Variants in ADCY2 observed in about 807,000 individuals in gnomAD.
The protein encoded by ADCY2 is adenylate cyclase 2.
ADCY2 carries 31 observed loss-of-function variants against 125.2 expected under a neutral mutation model. The observed-to-expected ratio is 0.25, with a 90% confidence interval of 0.19 to 0.33. The LOEUF (loss-of-function observed/expected upper bound fraction) is 0.33. Ranked by LOEUF, ADCY2 falls within the 10% of genes least tolerant of loss-of-function variation. The pLI is 1.00. For missense variants in ADCY2, 904 were observed against 1,418.2 expected, an observed-to-expected ratio of 0.64 and a Z score of 5.82; for synonymous variants, 512 against 548.4, an observed-to-expected ratio of 0.93 and a Z score of 0.93.
rs748930754 is a variant in ADCY2, at chr5:7,475,578, C to T, written c.409-45160C>T. Among the ~76,000 whole-genome samples, 178 of 152,226 alleles carry T rather than the reference C, an allele frequency of 1.2e-3. 1 individual carries two copies. The highest frequency in any genetic ancestry group is 0.01 in the Middle Eastern group (3 of 294). On this transcript the variant is annotated intron_variant, in intron 2 of 24. Coordinates refer to ENST00000338316, the MANE Select transcript of ADCY2 (RefSeq NM_020546.3). ...TGTATTTTTAGTAGAGACGGAGTTT[C>T]GCCACGTTGGCCAGGCTGTTCTCGA...
chr5:7,499,679 ATATG>A (rs1173523199), intron 2 of ADCY2, among the ~76,000 whole-genome samples: 15 of 135,030 alleles, frequency 1.1e-4, no homozygotes, highest in Admixed American at 3.8e-4. Flanking sequence ...ATATATATAT[ATATG>A]TATATATATG....
rs1257967042 is a variant in ADCY2 at position 7,826,806 on chromosome 5, C to T, written c.3211C>T (p.Leu1071=). 6.2e-7 allele frequency: 1 copy of T among 1,614,162 alleles called. No homozygotes were observed. The highest frequency in any genetic ancestry group is 8.5e-7 in the Non-Finnish European group (1 of 1,180,026). The part of the protein sequence containing the change: ...GIINVKGKGD[L]KTYFVNTEMS... ...AATCAACGTGAAAGGAAAGGGGGAC[C>T]TGAAGACGTACTTTGTAAACACAGA... The change falls in exon 25 of 25, where the codon CTG becomes TTG. Residue 1071 remains leucine, a synonymous_variant. Transcript: ENST00000338316.
At chr5:7,809,853 G>A (rs901791089) in intron 22 of ADCY2, among the ~76,000 whole-genome samples, 3 of 152,224 alleles carry the variant, frequency 2.0e-5, no homozygotes, top group African/African-American at 7.2e-5. Flanking sequence ...CTAAATGGTT[G>A]CATTACATGT....
At position 7,757,603 on chromosome 5, in the gene ADCY2, G is replaced by A. The variant is rs191459049; in HGVS notation, c.2094+17G>A. 342 of 1,603,852 alleles carry A rather than the reference G, an allele frequency of 2.1e-4. 1 individual carries two copies. The highest frequency in any genetic ancestry group is 4.4e-5 in the Non-Finnish European group (52 of 1,173,368). ...TTCAACATGGTAAGTCCCAGAGCAC[G>A]GCCGTGTTCAACATGGTAAGCCCCA... On this transcript the variant is annotated intron_variant, in intron 16 of 24. Transcript: ENST00000338316.
intron 2 of ADCY2, among the ~76,000 whole-genome samples, chr5:7,454,107 TGGG>T (rs1160948290): frequency 6.6e-6 from 1 of 152,192 alleles, no homozygotes; most frequent in East Asian, 1.9e-4. Flanking sequence ...TCTAGTTGGG[TGGG>T]GGGTGCCCTC....
chr5:7,531,986 G>T (rs992897260), intron 3 of ADCY2, among the ~76,000 whole-genome samples: 1 of 152,204 alleles, frequency 6.6e-6, no homozygotes, highest in Non-Finnish European at 1.5e-5. Flanking sequence ...AGTCTGTGGG[G>T]TTTCCCTTCT....
intron 4 of ADCY2, among the ~76,000 whole-genome samples, chr5:7,681,315 A>G (rs1430623529): frequency 1.3e-5 from 2 of 152,210 alleles, no homozygotes; most frequent in Middle Eastern, 6.3e-3. Flanking sequence ...GCCCACAGGG[A>G]CAATTAGTGT....
chr5:7,556,391 A>G (rs956994913), intron 3 of ADCY2, among the ~76,000 whole-genome samples: 2 of 152,228 alleles, frequency 1.3e-5, no homozygotes, highest in Non-Finnish European at 2.9e-5. Context: ...TGAATGAATG[A>G]ATGAACAGTA....
intron 4 of ADCY2, among the ~76,000 whole-genome samples, chr5:7,683,056 CA>C (rs1280862229): frequency 1.3e-5 from 2 of 152,214 alleles, no homozygotes; most frequent in African/African-American, 2.4e-5. Flanking sequence ...ACCACATTCT[CA>C]GCCTTTTTTT....
At chr5:7,485,172 C>T (rs112418423) in intron 2 of ADCY2, among the ~76,000 whole-genome samples, 2,491 of 152,226 alleles carry the variant, frequency 0.016, 68 homozygotes, top group African/African-American at 0.056. Flanking sequence ...TCCTTTCTCC[C>T]TCCGAAACTT....
intron 17 of ADCY2, among the ~76,000 whole-genome samples, chr5:7,770,784 G>A (rs2126479379): frequency 6.6e-6 from 1 of 152,272 alleles, no homozygotes; most frequent in Non-Finnish European, 1.5e-5. Flanking sequence ...TGATTAAATG[G>A]CTACTAGGTT....
intron 19 of ADCY2, among the ~76,000 whole-genome samples, chr5:7,786,650 A>G (rs1487424776): frequency 6.6e-6 from 1 of 152,234 alleles, no homozygotes; most frequent in Non-Finnish European, 1.5e-5. Context: ...AGATGTGTTA[A>G]CCAACTCAGG....
intron 2 of ADCY2, among the ~76,000 whole-genome samples, chr5:7,422,425 T>C (rs141449470): frequency 6.6e-5 from 10 of 152,296 alleles, no homozygotes; most frequent in African/African-American, 1.9e-4. Flanking sequence ...AGATGGTTTT[T>C]TTTCAGGCAG....
intron 4 of ADCY2, among the ~76,000 whole-genome samples, chr5:7,661,243 A>C (rs2126693322): frequency 6.6e-6 from 1 of 152,342 alleles, no homozygotes; most frequent in African/African-American, 2.4e-5. Context: ...TAGATTATAA[A>C]TCACAAGTTA....
chr5:7,402,533 A>T (rs111604604), intron 1 of ADCY2, among the ~76,000 whole-genome samples: 1,822 of 152,298 alleles, frequency 0.012, 45 homozygotes, highest in African/African-American at 0.042. Flanking sequence ...ACCTCAACCG[A>T]AAAAACCATT....
chr5:7,733,684 A>G (rs916848133), intron 14 of ADCY2, among the ~76,000 whole-genome samples: 1 of 152,250 alleles, frequency 6.6e-6, no homozygotes, highest in Admixed American at 6.5e-5. Context: ...AAAAACCCAC[A>G]CCTATGTAGT....
chr5:7,529,394 A>T (rs968565593), intron 3 of ADCY2, among the ~76,000 whole-genome samples: 3 of 152,060 alleles, frequency 2.0e-5, no homozygotes, highest in African/African-American at 7.2e-5. Context: ...GAGGGAGGGG[A>T]TGTGCTTTCT....
chr5:7,647,992 C>T (rs567898016), intron 4 of ADCY2, among the ~76,000 whole-genome samples: 138 of 152,300 alleles, frequency 9.1e-4, no homozygotes, highest in South Asian at 3.7e-3. Flanking sequence ...GATTTAAATG[C>T]GCTCTGGACT....
rs1740557224 is a variant in ADCY2, at chr5:7,430,555, G to GTATATACTATATATATCA, written c.408+15785_408+15786insTATATACTATATATATCA. Among the ~76,000 whole-genome samples the GTATATACTATATATATCA allele has an allele frequency of 6.1e-5, 9 of 147,150 alleles. No homozygotes were observed. The South Asian group carries it at 1.9e-3, about 31-fold the overall frequency. ...ATATACTATATATATATAGTATATTGATATACTATATATATAGTGTATATA... is the reference window on the plus strand; with the variant it reads ...ATATACTATATATATATAGTATATTGTATATACTATATATATCAATATACTATATATATAGTGTATATA... On this transcript the variant is annotated intron_variant, in intron 2 of 24. Coordinates refer to ENST00000338316, the MANE Select transcript of ADCY2 (RefSeq NM_020546.3).
Sources: allele counts gnomAD v4.1 joint callset (sites outside exome capture counted in the v4.1 genomes callset), GRCh38; gene constraint gnomAD v4.1.1; transcripts MANE v1.5; gene names NCBI Gene and HGNC (gene_info 2026-07-23, HGNC 2026-07-21).